DPP6: variants seen among roughly 807,000 people sequenced by gnomAD.
DPP6 encodes dipeptidyl peptidase like 6.
In DPP6, 69 loss-of-function variants were observed where a neutral mutation model predicts 122.6. The ratio of observed to expected loss-of-function variants is 0.56; its 90% CI spans 0.46 to 0.69. The LOEUF is 0.69. Ranked by LOEUF, DPP6 falls within the 30% of genes least tolerant of loss-of-function variation. The probability of loss-of-function intolerance (pLI) is 0.00; values close to 1 mark genes in which losing one functional copy is unlikely to be tolerated. For synonymous variants in DPP6, 418 were observed against 433.1 expected (o/e 0.97, Z 0.43); for missense variants, 928 against 1,116.9 (o/e 0.83, Z 2.41).
chr7:154,232,065 T>C (rs1427765007), intron 1 of DPP6, among the ~76,000 whole-genome samples: 2 of 152,204 alleles, frequency 1.3e-5, no homozygotes, highest in Non-Finnish European at 1.5e-5. Flanking sequence ...ATGCTTACCT[T>C]TGGGCCAGTG....
chr7:154,551,701 A>T (rs1361872702), intron 4 of DPP6, among the ~76,000 whole-genome samples: 1 of 152,030 alleles, frequency 6.6e-6, no homozygotes. Context: ...TTTTGTTCCA[A>T]ATTCATACAT....
At chr7:154,128,636 G>A (rs1234330079) in intron 1 of DPP6, among the ~76,000 whole-genome samples, 1 of 152,070 alleles carries the variant, frequency 6.6e-6, no homozygotes, top group Non-Finnish European at 1.5e-5. Context: ...TGATCCACCC[G>A]CCTCGGCCTC....
At chr7:154,404,928 TAGAA>T (rs1277169537) in intron 1 of DPP6, among the ~76,000 whole-genome samples, 1 of 152,272 alleles carries the variant, frequency 6.6e-6, no homozygotes, top group African/African-American at 2.4e-5. Context: ...GTTGTAAAAA[TAGAA>T]AAAGACATCC....
intron 2 of DPP6, among the ~76,000 whole-genome samples, chr7:154,453,226 G>C (rs1006156832): frequency 1.3e-5 from 2 of 152,108 alleles, no homozygotes; most frequent in Non-Finnish European, 2.9e-5. Context: ...GTGGACAGTG[G>C]TTTATGCCGG....
intron 1 of DPP6, among the ~76,000 whole-genome samples, chr7:154,097,387 C>T (rs1228923308): frequency 1.3e-5 from 2 of 152,226 alleles, no homozygotes; most frequent in Admixed American, 6.5e-5. Context: ...ACTCTCCCGC[C>T]GTGCTGCGAG....
chr7:154,497,609 CAAAAAAAGAAAA>C (rs750181531), intron 3 of DPP6, among the ~76,000 whole-genome samples: 12 of 116,320 alleles, frequency 1.0e-4, no homozygotes, highest in East Asian at 4.7e-4. Context: ...ACTCCATCTC[CAAAAAAAGAAAA>C]AAAAAAAGAA....
Position 154,107,234 on chromosome 7 carries a change from C to G in DPP6, c.243+54171C>G, listed in dbSNP as rs185218636. 2.6e-5 allele frequency among the ~76,000 whole-genome samples: 4 copies of G among 152,300 alleles called. No homozygotes were observed. In the East Asian group the frequency reaches 7.7e-4, roughly 29 times the overall value. On this transcript the variant is annotated intron_variant, in intron 1 of 25. Coordinates refer to ENST00000377770, the MANE Select transcript of DPP6 (RefSeq NM_130797.4). ...ATAAGAAACGTGTGGTGTATGTACA[C>G]AATGGAATACTATGCAGCCTTAAAA...
chr7:154,675,208 G>T (rs79038499), intron 7 of DPP6, among the ~76,000 whole-genome samples: 1 of 152,148 alleles, frequency 6.6e-6, no homozygotes, highest in African/African-American at 2.4e-5. Flanking sequence ...GGCCTGTCCG[G>T]GGGCGGGGGG....
chr7:154,225,697 T>G (rs1291108209), intron 1 of DPP6, among the ~76,000 whole-genome samples: 1 of 151,980 alleles, frequency 6.6e-6, no homozygotes, highest in African/African-American at 2.4e-5. Context: ...TTACCTATTC[T>G]ATCGATAAAT....
At chr7:154,774,802 G>A (rs533660295) in intron 10 of DPP6, among the ~76,000 whole-genome samples, 2 of 152,202 alleles carry the variant, frequency 1.3e-5, no homozygotes, top group Non-Finnish European at 2.9e-5. Flanking sequence ...GAACCATGGA[G>A]TTCACAGTGT....
intron 4 of DPP6, among the ~76,000 whole-genome samples, chr7:154,551,483 G>T (rs1829631991): frequency 6.6e-6 from 1 of 152,010 alleles, no homozygotes; most frequent in African/African-American, 2.4e-5. Flanking sequence ...ATTATTAATT[G>T]TTCAATTAAG....
At chr7:154,738,404 C>T (rs950816574) in intron 8 of DPP6, among the ~76,000 whole-genome samples, 18 of 152,288 alleles carry the variant, frequency 1.2e-4, no homozygotes, top group Middle Eastern at 3.4e-3. Flanking sequence ...GGTGACCAGT[C>T]GGTTTGCTAT....
At chr7:154,291,776 C>T (rs947871032) in intron 1 of DPP6, among the ~76,000 whole-genome samples, 1 of 152,220 alleles carries the variant, frequency 6.6e-6, no homozygotes, top group Non-Finnish European at 1.5e-5. Flanking sequence ...ATATTCTCAT[C>T]TTGTCCTTAG....
At chr7:154,061,637 G>A (rs1246744421) in intron 1 of DPP6, among the ~76,000 whole-genome samples, 2,415 of 97,756 alleles carry the variant, frequency 0.025, 2 homozygotes, top group South Asian at 0.056. Context: ...GGCACCCGCT[G>A]CGAGGCGGGG....
rs567233496 is a variant in DPP6, at chr7:154,516,553, A to T, written c.458-23979A>T. Among the ~76,000 whole-genome samples the T allele has an allele frequency of 3.3e-5, 5 of 152,372 alleles. No homozygotes were observed. In the South Asian group the frequency reaches 1.0e-3, roughly 32 times the overall value. ...ATTCCTACGAAAGAGGAAAACAACC[A>T]GGCAAATCTATCTGGGAAGCACAAT... On this transcript the variant is annotated intron_variant, in intron 3 of 25. Coordinates refer to ENST00000377770, the MANE Select transcript of DPP6 (RefSeq NM_130797.4).
chr7:154,277,771 T>TA (rs975463598), intron 1 of DPP6, among the ~76,000 whole-genome samples: 4 of 152,136 alleles, frequency 2.6e-5, no homozygotes, highest in Admixed American at 6.6e-5. Context: ...TCTCCAAAAA[T>TA]AAAAAACTAA....
At chr7:154,852,279 C>T (rs1286178245) in intron 16 of DPP6, among the ~76,000 whole-genome samples, 1 of 152,154 alleles carries the variant, frequency 6.6e-6, no homozygotes, top group African/African-American at 2.4e-5. Flanking sequence ...AGTGTGCATG[C>T]TTCAGCTTTG....
chr7:153,759,561 A>G, the DPP6 span, among the ~76,000 whole-genome samples: 1 of 151,896 alleles, frequency 6.6e-6, no homozygotes, highest in South Asian at 2.1e-4. Flanking sequence ...TCAAACTCCT[A>G]TCTTCAGGTG....
intron 5 of DPP6, among the ~76,000 whole-genome samples, chr7:154,634,025 ATTATAC>A (rs768403791): frequency 5.9e-5 from 8 of 135,844 alleles, no homozygotes; most frequent in Admixed American, 7.5e-5. Flanking sequence ...TTTTTTTTTA[ATTATAC>A]TTTAAGTTTT....
Sources: allele counts gnomAD v4.1 joint callset (sites outside exome capture counted in the v4.1 genomes callset), GRCh38; gene constraint gnomAD v4.1.1; transcripts MANE v1.5; gene names NCBI Gene and HGNC (gene_info 2026-07-23, HGNC 2026-07-21).